The following SAMD12 variants were observed in gnomAD, a reference collection of about 807,000 sequenced individuals.
SAMD12 encodes the protein sterile alpha motif domain containing 12, also known as sterile alpha motif domain-containing protein 12.
In SAMD12, 9 loss-of-function variants were observed where a neutral mutation model predicts 15.0. The observed-to-expected ratio is 0.60, with a 90% CI of 0.36 to 1.05. SAMD12 has a LOEUF of 1.05. Among genes scored for constraint, SAMD12 ranks in the 50% least tolerant of loss-of-function variants. SAMD12 has a pLI of 0.01. For missense variants in SAMD12, 230 were observed against 234.2 expected, an observed-to-expected ratio of 0.98 and a Z score of 0.12; for synonymous variants, 86 against 90.1, an observed-to-expected ratio of 0.96 and a Z score of 0.25.
intron 1 of SAMD12, among the ~76,000 whole-genome samples, chr8:118,597,202 C>G (rs1827745943): frequency 6.6e-6 from 1 of 152,178 alleles, no homozygotes. Flanking sequence ...CCAACGGGGG[C>G]TCCTTAGGGC....
intron 2 of SAMD12, among the ~76,000 whole-genome samples, chr8:118,514,572 T>A (rs1168572892): frequency 6.6e-6 from 1 of 152,248 alleles, no homozygotes; most frequent in Admixed American, 6.5e-5. Flanking sequence ...GTTCACCAAT[T>A]ATTTAGGTTG....
intron 4 of SAMD12, among the ~76,000 whole-genome samples, chr8:118,352,678 C>A (rs535305570): frequency 6.6e-6 from 1 of 152,114 alleles, no homozygotes; most frequent in Non-Finnish European, 1.5e-5. Flanking sequence ...GGCAATAAAA[C>A]GATCAATAGG....
chr8:118,325,874 C>G (rs1181588543), intron 4 of SAMD12, among the ~76,000 whole-genome samples: 1 of 152,140 alleles, frequency 6.6e-6, no homozygotes, highest in Non-Finnish European at 1.5e-5. Flanking sequence ...GATTAATAAA[C>G]CAGGTCTAGC....
At chr8:118,197,477 A>G (rs1819597626) in exon 5 of SAMD12, 1 of 588,284 alleles carries the variant, frequency 1.7e-6, no homozygotes, top group Admixed American at 3.0e-5. Flanking sequence ...TCTGCCAATG[A>G]CCACTTGGAA....
At chr8:118,600,669 G>A (rs761671635) in intron 1 of SAMD12, among the ~76,000 whole-genome samples, 3 of 152,160 alleles carry the variant, frequency 2.0e-5, no homozygotes, top group Non-Finnish European at 2.9e-5. Flanking sequence ...AATTATACAT[G>A]TAGTAAATAT....
intron 2 of SAMD12, among the ~76,000 whole-genome samples, chr8:118,531,936 T>A (rs900380476): frequency 6.6e-6 from 1 of 152,226 alleles, no homozygotes; most frequent in Non-Finnish European, 1.5e-5. Context: ...TCCTGCCTGA[T>A]TGCCCTGGCC....
rs146450104 is a variant in SAMD12, at chr8:118,382,625, A to G, written c.323-2925T>C. Reference sequence around the variant, plus strand: ...ACAATCATGCTTATGAACAGTTCACATATTAAATGTCCAACTGTTCAAATT... The same window carrying G: ...ACAATCATGCTTATGAACAGTTCACGTATTAAATGTCCAACTGTTCAAATT... On this transcript the variant is annotated intron_variant, in intron 3 of 3. Coordinates refer to ENST00000314727, the MANE Select transcript of SAMD12 (RefSeq NM_207506.3). Among the ~76,000 whole-genome samples the G allele has an allele frequency of 2.0e-5, 3 of 152,352 alleles. No individual in the cohort carries two copies. The East Asian group carries it at 5.8e-4, about 29-fold the overall frequency.
chr8:118,555,487 G>A (rs1000592016), intron 2 of SAMD12, among the ~76,000 whole-genome samples: 3 of 152,132 alleles, frequency 2.0e-5, no homozygotes, highest in African/African-American at 7.2e-5. Context: ...ATCACTTTGT[G>A]TTATTGATAT....
chr8:118,407,929 T>C (rs777645202), intron 3 of SAMD12, among the ~76,000 whole-genome samples: 6 of 152,126 alleles, frequency 3.9e-5, no homozygotes, highest in Non-Finnish European at 7.3e-5. Flanking sequence ...CCTTTTCAAC[T>C]ACCCACCCCC....
intron 1 of SAMD12, among the ~76,000 whole-genome samples, chr8:118,605,765 AATATATATATATATATATATATATAT>A (rs55785102): frequency 4.1e-4 from 52 of 127,602 alleles, no homozygotes; most frequent in East Asian, 2.2e-3. Flanking sequence ...AACCCATCAC[AATATATATATATATATATATATATAT>A]ATATATATAT....
chr8:118,500,067 CTT>C (rs563321387), intron 2 of SAMD12, among the ~76,000 whole-genome samples: 1 of 72,566 alleles, frequency 1.4e-5, no homozygotes, highest in Non-Finnish European at 2.4e-5. Context: ...TGAGTTTTGC[CTT>C]TTTTTTTTTT....
chr8:118,160,185 A>G, the SAMD12 span, among the ~76,000 whole-genome samples: 1 of 152,280 alleles, frequency 6.6e-6, no homozygotes, highest in Non-Finnish European at 1.5e-5. Context: ...GACAAAAGAT[A>G]TATAATACCT....
intron 2 of SAMD12, among the ~76,000 whole-genome samples, chr8:118,459,341 C>T (rs1823349568): frequency 6.6e-6 from 1 of 152,140 alleles, no homozygotes; most frequent in African/African-American, 2.4e-5. Context: ...GCTGGGATTA[C>T]AGATGTGAGC....
intron 2 of SAMD12, among the ~76,000 whole-genome samples, chr8:118,561,548 C>T (rs1826701936): frequency 6.6e-6 from 1 of 152,132 alleles, no homozygotes; most frequent in African/African-American, 2.4e-5. Flanking sequence ...GGGAAGAAAA[C>T]ATGTCCTTCT....
Position 118,379,295 on chromosome 8 carries a change from C to G in SAMD12, c.*122G>C. ...TCTCTGGGGTTGTGCAGTACACAAT[C>G]CATACAACTGTACGTGACCACCTTG... On this transcript the variant is annotated 3_prime_UTR_variant, in exon 4 of 4. Coordinates refer to ENST00000314727, the MANE Select transcript of SAMD12 (RefSeq NM_207506.3). 6.8e-7 allele frequency: 1 copy of G among 1,468,904 alleles called. No individual in the cohort carries two copies. Among genetic ancestry groups the G allele is most frequent in the Non-Finnish European group, 9.0e-7 (1 of 1,114,424 alleles). The allele number at this position is 1,468,904 out of a possible 1,614,324, so 91.0% of individuals were successfully genotyped here.
chr8:118,227,255 T>C (rs1362281801), intron 4 of SAMD12, among the ~76,000 whole-genome samples: 1 of 152,132 alleles, frequency 6.6e-6, no homozygotes, highest in Non-Finnish European at 1.5e-5. Context: ...CTTAGCAAAC[T>C]GACGCAGGAA....
At chr8:118,540,352 T>TA (rs1396378766) in intron 2 of SAMD12, among the ~76,000 whole-genome samples, 2 of 152,218 alleles carry the variant, frequency 1.3e-5, no homozygotes, top group Non-Finnish European at 2.9e-5. Flanking sequence ...TAAAGTTGCC[T>TA]AGTGCTTTAT....
chr8:118,302,662 G>A (rs1815110364), intron 4 of SAMD12, among the ~76,000 whole-genome samples: 1 of 152,216 alleles, frequency 6.6e-6, no homozygotes, highest in African/African-American at 2.4e-5. Flanking sequence ...AGGGAACTCT[G>A]TTGATCTTGA....
chr8:118,322,598 G>A (rs4876409), intron 4 of SAMD12, among the ~76,000 whole-genome samples: 1 of 152,048 alleles, frequency 6.6e-6, no homozygotes, highest in East Asian at 1.9e-4. Flanking sequence ...TCTCTCTGTC[G>A]TAGGCTGAAC....
Sources: allele counts gnomAD v4.1 joint callset (sites outside exome capture counted in the v4.1 genomes callset), GRCh38; gene constraint gnomAD v4.1.1; transcripts MANE v1.5; gene names NCBI Gene and HGNC (gene_info 2026-07-23, HGNC 2026-07-21).